Variants in ITPR2 observed in about 807,000 individuals in gnomAD.
ITPR2 encodes the protein inositol 1,4,5-trisphosphate receptor type 2.
ITPR2 carries 207 observed loss-of-function variants against 317.1 expected under a neutral mutation model. The observed-to-expected ratio is 0.65, with a 90% CI of 0.58 to 0.73. The LOEUF (loss-of-function observed/expected upper bound fraction) is 0.73, where lower values mean the gene tolerates loss of function less well. Ranked by LOEUF, ITPR2 falls within the 30% of genes least tolerant of loss-of-function variation. The pLI, the probability that ITPR2 is intolerant of heterozygous loss-of-function variation, is 0.00. For synonymous variants in ITPR2, 1,156 were observed against 1,149.1 expected (o/e 1.01, Z -0.12); for missense variants, 2,613 against 3,284.0 (o/e 0.80, Z 4.99).
chr12:26,427,795 T>G (rs578069851), intron 49 of ITPR2, 118 bp downstream of exon 49: 11 of 621,318 alleles, frequency 1.8e-5, no homozygotes, highest in Admixed American at 8.8e-5. Context: ...TAATTTAGAT[T>G]TATAATAAAT....
At chr12:26,355,474 C>T (rs900135799) in intron 55 of ITPR2, among the ~76,000 whole-genome samples, 1 of 152,036 alleles carries the variant, frequency 6.6e-6, no homozygotes, top group African/African-American at 2.4e-5. Flanking sequence ...TTAGAAAGTC[C>T]CATTTACATG....
chr12:26,809,683 G>A (rs1950700484), intron 1 of ITPR2, among the ~76,000 whole-genome samples: 1 of 152,140 alleles, frequency 6.6e-6, no homozygotes, highest in South Asian at 2.1e-4. Context: ...CTTGGCGGGG[G>A]TTGGGGGAGT....
chr12:26,340,201 T>A lies in ITPR2; in HGVS notation c.7985A>T (p.Gln2662Leu). Reference protein sequence around the residue: ...KLESTMSLVKQLSGQLAELKE... With the variant: ...KLESTMSLVKLLSGQLAELKE... ...GAGCTCCGCCAGCTGACCCGACAGC[T>A]GTTTGACCAGACTCATGGTCGATTC... The change falls in exon 56 of 57, where the codon CAG becomes CTG. Residue 2662 changes from glutamine to leucine, a missense_variant. Gln to Leu is a moderately radical substitution (Grantham distance 113). Around this residue, in one of 9 missense-constraint regions of ITPR2, gnomAD observed 119 missense variants for 144.3 expected, o/e 0.82. Coordinates refer to ENST00000381340, the MANE Select transcript of ITPR2 (RefSeq NM_002223.4). The A allele has an allele frequency of 6.2e-7, 1 of 1,609,014 alleles. No homozygotes were observed. The highest frequency in any genetic ancestry group is 1.3e-5 in the African/African-American group (1 of 74,936).
At chr12:26,793,247 C>G (rs1261037467) in intron 1 of ITPR2, among the ~76,000 whole-genome samples, 1 of 152,132 alleles carries the variant, frequency 6.6e-6, no homozygotes, top group African/African-American at 2.4e-5. Flanking sequence ...ATCTGAAAAA[C>G]ATTGATCTAT....
chr12:26,685,294 A>G (rs1189644138), intron 11 of ITPR2, among the ~76,000 whole-genome samples: 1 of 152,176 alleles, frequency 6.6e-6, no homozygotes, highest in African/African-American at 2.4e-5. Context: ...AAAAAAGCTT[A>G]ACTAAACTAG....
intron 9 of ITPR2, 138 bp downstream of exon 9, chr12:26,711,035 C>A: frequency 1.7e-6 from 1 of 579,186 alleles, no homozygotes; most frequent in Admixed American, 3.0e-5. Flanking sequence ...ATTTATATGC[C>A]AATCCAGAAT....
rs111700891 is a variant in ITPR2, at chr12:26,525,546, T to C, written c.5073+24701A>G. On this transcript the variant is annotated intron_variant, in intron 37 of 56. Transcript: ENST00000381340. ...TTGACTGACTGTAAGGTGAATTCCATCCATACAGCTTTGACTTTGAGACCC... is the reference window on the plus strand; with the variant it reads ...TTGACTGACTGTAAGGTGAATTCCACCCATACAGCTTTGACTTTGAGACCC... Among the ~76,000 whole-genome samples, 467 of 152,314 alleles carry C rather than the reference T, an allele frequency of 3.1e-3. 1 individual carries two copies. The highest frequency in any genetic ancestry group is 5.4e-3 in the Non-Finnish European group (368 of 68,018).
intron 53 of ITPR2, 68 bp downstream of exon 53, chr12:26,400,060 T>C (rs1940123098): frequency 1.4e-6 from 2 of 1,472,422 alleles, no homozygotes; most frequent in Non-Finnish European, 1.8e-6. Flanking sequence ...AACTAAATTA[T>C]AAATGCTGTG....
Position 26,336,168 on chromosome 12 carries a change from A to G in ITPR2, c.*3229T>C, listed in dbSNP as rs11833974. Among the ~76,000 whole-genome samples the G allele has an allele frequency of 6.6e-6, 1 of 152,056 alleles. No individual in the cohort carries two copies. The highest frequency in any genetic ancestry group is 1.5e-5 in the Non-Finnish European group (1 of 68,016). ...TACCCCTCCTTTTCTCTAATGATAG[A>G]GTACTGGGAAGCAGAAATCCCTATC... is the stretch of plus-strand genomic sequence containing the variant. On this transcript the variant is annotated 3_prime_UTR_variant, in exon 57 of 57. Coordinates refer to ENST00000381340, the MANE Select transcript of ITPR2 (RefSeq NM_002223.4).
intron 2 of ITPR2, among the ~76,000 whole-genome samples, chr12:26,751,863 C>A (rs1420960495): frequency 7.0e-6 from 1 of 143,604 alleles, no homozygotes; most frequent in Non-Finnish European, 1.5e-5. Flanking sequence ...AAGACTCTAT[C>A]TAAAAAAAAA....
At chr12:26,660,790 A>G (rs1947478625) in intron 15 of ITPR2, among the ~76,000 whole-genome samples, 4 of 152,290 alleles carry the variant, frequency 2.6e-5, no homozygotes, top group South Asian at 2.1e-4. Flanking sequence ...ATAAATAACT[A>G]AATGAAATTA....
intron 37 of ITPR2, among the ~76,000 whole-genome samples, chr12:26,539,169 A>G (rs1214024593): frequency 6.6e-6 from 1 of 152,224 alleles, no homozygotes; most frequent in East Asian, 1.9e-4. Flanking sequence ...GGTGAAATGT[A>G]TCAGGCCCAG....
intron 45 of ITPR2, among the ~76,000 whole-genome samples, chr12:26,448,869 A>G (rs1331736518): frequency 6.6e-6 from 1 of 152,236 alleles, no homozygotes; most frequent in African/African-American, 2.4e-5. Flanking sequence ...ATAAGTGCAA[A>G]CCTTATACAT....
At chr12:26,545,524 A>C (rs1054706921) in intron 37 of ITPR2, among the ~76,000 whole-genome samples, 4 of 152,168 alleles carry the variant, frequency 2.6e-5, no homozygotes, top group Non-Finnish European at 5.9e-5. Flanking sequence ...GAGTCTGCAG[A>C]AGGAACACAC....
chr12:26,589,711 T>C lies in ITPR2; in HGVS notation c.4380+5754A>G, dbSNP rs1298579283. Among the ~76,000 whole-genome samples, 3 of 147,626 alleles carry C rather than the reference T, an allele frequency of 2.0e-5. No homozygotes were observed. In the Admixed American group the frequency reaches 2.0e-4, roughly 10 times the overall value. Reference sequence around the variant, plus strand: ...CTGAGGCAGGAGAATCACTTGAAACTGGAAGACAGAGGTTGCAGTGAGCCA... The same window carrying C: ...CTGAGGCAGGAGAATCACTTGAAACCGGAAGACAGAGGTTGCAGTGAGCCA... On this transcript the variant is annotated intron_variant, in intron 32 of 56. Coordinates refer to ENST00000381340, the MANE Select transcript of ITPR2 (RefSeq NM_002223.4).
At chr12:26,659,066 A>G (rs749742457) in intron 16 of ITPR2, 47 bp downstream of exon 16, 1 of 1,471,722 alleles carries the variant, frequency 6.8e-7, no homozygotes, top group Non-Finnish European at 9.3e-7. Flanking sequence ...TAAAACATAA[A>G]GCCGCAATCT....
intron 2 of ITPR2, among the ~76,000 whole-genome samples, chr12:26,778,732 T>C (rs1229090778): frequency 6.6e-6 from 1 of 152,244 alleles, no homozygotes; most frequent in South Asian, 2.1e-4. Context: ...CTGGATCCAG[T>C]GAGCAAGAAG....
chr12:26,720,965 T>C (rs963402805), intron 5 of ITPR2, among the ~76,000 whole-genome samples: 2 of 152,154 alleles, frequency 1.3e-5, no homozygotes, highest in Middle Eastern at 3.2e-3. Context: ...GAGCTCAGGT[T>C]TTGTTTGTTT....
intron 2 of ITPR2, among the ~76,000 whole-genome samples, chr12:26,761,141 G>A (rs1407277855): frequency 6.6e-6 from 1 of 152,040 alleles, no homozygotes; most frequent in Non-Finnish European, 1.5e-5. Flanking sequence ...GTGGACCAAG[G>A]CTTCAGGCCC....
Sources: gnomAD v4.1 joint callset for allele counts (sites outside exome capture counted in the v4.1 genomes callset) on GRCh38, gnomAD v4.1.1 for gene constraint, gnomAD v4.1.1 regional missense constraint, MANE v1.5 for transcripts, NCBI Gene and HGNC (gene_info 2026-07-23, HGNC 2026-07-21) for gene names.